The following SYCE1L variants were observed in gnomAD, a reference collection of about 807,000 sequenced individuals.
The protein encoded by SYCE1L is synaptonemal complex central element protein 1-like.
A neutral mutation model predicts 39.6 loss-of-function variants in SYCE1L; 51 were observed. That is an observed-to-expected ratio of 1.29 (90% confidence interval 1.03 to 1.63). The LOEUF (loss-of-function observed/expected upper bound fraction) is 1.63. Ranked by LOEUF, SYCE1L falls within the 40% of genes most tolerant of loss-of-function variation. SYCE1L has a pLI of 0.00. For synonymous variants in SYCE1L, 147 were observed against 122.4 expected (o/e 1.20, Z -1.33); for missense variants, 426 against 304.9 (o/e 1.40, Z -2.96).
In SYCE1L at chr16:77,212,127, C is replaced by T. The variant is rs376246576; in HGVS notation, c.424-3C>T. The T allele has an allele frequency of 3.2e-3, 5,004 of 1,548,042 alleles. 9 individuals are homozygous for T. The highest frequency in any genetic ancestry group is 3.9e-3 in the Non-Finnish European group (4,497 of 1,145,988). On this transcript the variant is annotated splice_region_variant and splice_polypyrimidine_tract_variant and intron_variant, in intron 7 of 10. Coordinates refer to ENST00000378644, the MANE Select transcript of SYCE1L (RefSeq NM_001129979.3). ...CGGGGAGGCCTCCTCTTTGTCCTCG[C>T]AGATGCTGGAGCAGCGACTGGCCCG...
At chr16:77,208,390 C>T in intron 3 of SYCE1L, 75 bp from the exon 4 acceptor site, 1 of 1,542,500 alleles carries the variant, frequency 6.5e-7, no homozygotes, top group South Asian at 1.2e-5. Flanking sequence ...GATGACTGTG[C>T]AATGTCATAT....
intron 2 of SYCE1L, among the ~76,000 whole-genome samples, chr16:77,207,539 C>G (rs2054793834): frequency 6.6e-6 from 1 of 152,180 alleles, no homozygotes; most frequent in Admixed American, 6.5e-5. Flanking sequence ...AGGCCAGTAC[C>G]AGAGCCCAGA....
chr16:77,208,642 C>A, intron 4 of SYCE1L, 103 bp downstream of exon 4: 1 of 1,157,132 alleles, frequency 8.6e-7, no homozygotes, highest in Non-Finnish European at 1.2e-6. Context: ...GCTCTTAGCT[C>A]ACATAATCTG....
chr16:77,206,508 G>T lies in SYCE1L; in HGVS notation c.121+8G>T, dbSNP rs935224905. The T allele has an allele frequency of 3.4e-5, 52 of 1,551,568 alleles. No homozygotes were observed. Among genetic ancestry groups the T allele is most frequent in the Non-Finnish European group, 4.4e-5 (51 of 1,146,976 alleles). ...TGATAAAGCTGCAGAAAGGTCATGT[G>T]TCTCTTTGTTTCTGAGCCTCAGCCT... On this transcript the variant is annotated splice_region_variant and intron_variant, in intron 2 of 10. Transcript: ENST00000378644.
intron 1 of SYCE1L, among the ~76,000 whole-genome samples, chr16:77,205,587 C>A (rs2054780691): frequency 6.6e-6 from 1 of 151,890 alleles, no homozygotes; most frequent in South Asian, 2.1e-4. Context: ...TTCTTCTTTA[C>A]AACTTATTTG....
intron 1 of SYCE1L, chr16:77,201,530 A>G (rs1323412746): frequency 3.3e-5 from 5 of 152,200 alleles, no homozygotes; most frequent in Non-Finnish European, 5.9e-5. Context: ...CTCAAAGTAA[A>G]GGCTTTGCTA....
At chr16:77,208,343 C>T (rs1176869684) in intron 3 of SYCE1L, 74 bp downstream of exon 3, 1 of 1,540,322 alleles carries the variant, frequency 6.5e-7, no homozygotes, top group Non-Finnish European at 8.8e-7. Flanking sequence ...TCCACCTCCT[C>T]ATCTATAAAA....
At chr16:77,199,730 G>A (rs2054710084) in intron 1 of SYCE1L, 2 of 507,394 alleles carry the variant, frequency 3.9e-6, no homozygotes, top group Non-Finnish European at 7.0e-6. Context: ...TTTGTCAACT[G>A]TAGTGTATAC....
At chr16:77,210,352 T>C (rs1026406707) in intron 6 of SYCE1L, among the ~76,000 whole-genome samples, 8 of 152,182 alleles carry the variant, frequency 5.3e-5, no homozygotes, top group African/African-American at 1.9e-4. Flanking sequence ...TTCTGAACTT[T>C]TACCTAGCAC....
At position 77,209,440 on chromosome 16, in the gene SYCE1L, C is replaced by G. The variant is rs201765019; in HGVS notation, c.328C>G (p.His110Asp). ...AGAGGCACTGAGGATCCTCCAGATG[C>G]ACTGCCAAGAGAAGGAAAGCGAGGC... ...KQEALRILQM[H>D]CQEKESEAQR... The change falls in exon 6 of 11, where the codon CAC (histidine) becomes GAC (aspartate). Residue 110 changes from histidine to aspartate, a missense_variant. By Grantham distance (81) the His-to-Asp change is moderately conservative (BLOSUM62 -1). Transcript: ENST00000378644. 9.0e-6 allele frequency: 14 copies of G among 1,551,638 alleles called. No homozygotes were observed. The highest frequency in any genetic ancestry group is 1.2e-5 in the Non-Finnish European group (14 of 1,147,028).
intron 1 of SYCE1L, among the ~76,000 whole-genome samples, chr16:77,204,684 G>A (rs2054772820): frequency 1.3e-5 from 2 of 152,160 alleles, no homozygotes; most frequent in African/African-American, 4.8e-5. Context: ...GATCACTGGT[G>A]TACATTGTCA....
chr16:77,205,433 A>AATATATATATATATATATATGCATAT (rs145238524), intron 1 of SYCE1L, among the ~76,000 whole-genome samples: 1 of 145,262 alleles, frequency 6.9e-6, no homozygotes, highest in African/African-American at 2.5e-5. Context: ...CATAGAAGTA[A>AATATATATATATATATATATGCATAT]ATATATATAT....
chr16:77,209,879 C>A (rs1289742007), intron 6 of SYCE1L, among the ~76,000 whole-genome samples: 1 of 152,204 alleles, frequency 6.6e-6, no homozygotes, highest in Admixed American at 6.5e-5. Context: ...TCTATCCAAC[C>A]ATGTCATCCA....
At chr16:77,206,534 G>A in intron 2 of SYCE1L, 34 bp downstream of exon 2, 1 of 1,549,516 alleles carries the variant, frequency 6.5e-7, no homozygotes, top group South Asian at 1.2e-5. Context: ...GCCTCAGCCT[G>A]GGGTTTCAAG....
chr16:77,209,486 C>T lies in SYCE1L; in HGVS notation c.359+15C>T, dbSNP rs1341457778. 1.3e-6 allele frequency: 2 copies of T among 1,551,648 alleles called. No homozygotes were observed. Among genetic ancestry groups the T allele is most frequent in the South Asian group, 2.4e-5 (2 of 84,062 alleles). ...GAGGCTCAGAGGTAAGAGGCCCTGC[C>T]TCAGCTCTTCCCTACCTCATTCCCC... On this transcript the variant is annotated intron_variant, in intron 6 of 10. Transcript: ENST00000378644.
At chr16:77,205,043 T>TTA (rs1567425183) in intron 1 of SYCE1L, among the ~76,000 whole-genome samples, 2 of 45,334 alleles carry the variant, frequency 4.4e-5, no homozygotes, top group Non-Finnish European at 1.4e-4. Flanking sequence ...AGACTCCATC[T>TTA]CAAAAAAAAA....
chr16:77,212,855 A>G lies in SYCE1L; in HGVS notation c.655-2A>G. 2.1e-5 allele frequency: 32 copies of G among 1,495,940 alleles called. No individual in the cohort carries two copies. The highest frequency in any genetic ancestry group is 2.8e-5 in the Non-Finnish European group (32 of 1,123,984). 92.7% of individuals were successfully genotyped at this position (1,495,940 alleles called of 1,614,324 possible). A position where few individuals can be genotyped will look rare whatever the true frequency, so the allele number is the denominator to read the frequency against. Reference sequence around the variant, plus strand: ...TCCGCAGCCTCACCCAGCCCCCGGCAGGCCGGACCTGAGCTCCCCCGCGCT... The same window carrying G: ...TCCGCAGCCTCACCCAGCCCCCGGCGGGCCGGACCTGAGCTCCCCCGCGCT... On this transcript the variant is annotated splice_acceptor_variant, in intron 10 of 10. Transcript: ENST00000378644. LOFTEE classifies it high-confidence loss of function.
intron 1 of SYCE1L, among the ~76,000 whole-genome samples, chr16:77,204,274 T>A (rs1485189034): frequency 6.6e-6 from 1 of 152,196 alleles, no homozygotes; most frequent in East Asian, 1.9e-4. Context: ...TGTACAAGGA[T>A]GGTGTACTAG....
At chr16:77,201,432 A>G (rs929657763) in intron 1 of SYCE1L, 4 of 152,242 alleles carry the variant, frequency 2.6e-5, no homozygotes, top group African/African-American at 7.2e-5. Context: ...TAGCCCATCA[A>G]ATCGGCTTTA....
Sources: allele counts gnomAD v4.1 joint callset (sites outside exome capture counted in the v4.1 genomes callset), GRCh38; gene constraint gnomAD v4.1.1; transcripts MANE v1.5; gene names NCBI Gene and HGNC (gene_info 2026-07-23, HGNC 2026-07-21).